The following NLRP14 variants were observed in gnomAD, a reference collection of about 807,000 sequenced individuals.
NLRP14 encodes the protein NACHT, LRR and PYD domains-containing protein 14.
Under a neutral mutation model 94.7 loss-of-function variants are expected in NLRP14, and 105 were observed. The ratio of observed to expected loss-of-function variants is 1.11; its 90% CI spans 0.95 to 1.30. NLRP14 has a LOEUF of 1.30. NLRP14 is among the 50% of genes most tolerant of loss of function. NLRP14 has a pLI of 0.00. For missense variants in NLRP14, 1,362 were observed against 1,254.1 expected, an observed-to-expected ratio of 1.09 and a Z score of -1.30; for synonymous variants, 508 against 459.9, an observed-to-expected ratio of 1.10 and a Z score of -1.34.
chr11:7,029,469 G>A (rs559597630), intron 1 of NLRP14, among the ~76,000 whole-genome samples: 11 of 152,168 alleles, frequency 7.2e-5, no homozygotes, highest in Non-Finnish European at 8.8e-5. Flanking sequence ...ATATATAAAC[G>A]CCTCTATCCT....
At chr11:7,065,626 T>C (rs1025835570) in intron 10 of NLRP14, among the ~76,000 whole-genome samples, 1 of 152,126 alleles carries the variant, frequency 6.6e-6, no homozygotes. Flanking sequence ...TTGTTCACAA[T>C]GTTTGAAGCA....
At chr11:7,059,715 T>C (rs990386083) in intron 8 of NLRP14, among the ~76,000 whole-genome samples, 179 bp from the exon 9 acceptor site, 1 of 152,022 alleles carries the variant, frequency 6.6e-6, no homozygotes, top group Non-Finnish European at 1.5e-5. Context: ...GTCTAGTTTG[T>C]AGCCCAATTT....
chr11:7,084,799 A>G, the NLRP14 span, among the ~76,000 whole-genome samples: 2 of 152,222 alleles, frequency 1.3e-5, no homozygotes, highest in African/African-American at 2.4e-5. Flanking sequence ...GGTTGTGGGA[A>G]TCCCCAATTT....
Position 7,043,928 on chromosome 11 carries a change from T to C in NLRP14, c.1902T>C (p.Ser634=). The C allele has an allele frequency of 6.2e-7, 1 of 1,614,184 alleles. No individual in the cohort carries two copies. The highest frequency in any genetic ancestry group is 1.7e-5 in the Admixed American group (1 of 60,022). ...HCRCLRTIRL[S]VTVVFEKKIL... ...GGTGTTTGCGGACCATCAGGCTGTCTGTAACTGTGGTATTTGAGAAGAAGA... is the reference window on the plus strand; with the variant it reads ...GGTGTTTGCGGACCATCAGGCTGTCCGTAACTGTGGTATTTGAGAAGAAGA... Residue 634 remains serine (S), a synonymous_variant, in exon 4 of 12, where the codon TCT becomes TCC. Coordinates refer to ENST00000299481, the MANE Select transcript of NLRP14 (RefSeq NM_176822.4).
At chr11:7,032,153 A>G (rs145576134) in intron 1 of NLRP14, among the ~76,000 whole-genome samples, 37 of 152,296 alleles carry the variant, frequency 2.4e-4, no homozygotes, top group Non-Finnish European at 4.3e-4. Flanking sequence ...ATGAGAGATA[A>G]TTGTCAAAAA....
At chr11:7,021,436 T>G (rs539776681) in intron 1 of NLRP14, among the ~76,000 whole-genome samples, 1 of 152,304 alleles carries the variant, frequency 6.6e-6, no homozygotes, top group African/African-American at 2.4e-5. Flanking sequence ...GACCACATTT[T>G]GAAAATTACT....
chr11:7,021,713 T>A (rs140396420), intron 1 of NLRP14, among the ~76,000 whole-genome samples: 1 of 152,066 alleles, frequency 6.6e-6, no homozygotes, highest in African/African-American at 2.4e-5. Flanking sequence ...TATGTATACA[T>A]GTGCCATGTT....
Position 7,042,554 on chromosome 11 carries a change from A to T in NLRP14, c.528A>T (p.Pro176=). 4 of 1,614,248 alleles carry T rather than the reference A, an allele frequency of 2.5e-6. 1 individual carries two copies. Among genetic ancestry groups the T allele is most frequent in the East Asian group, 2.2e-5 (1 of 44,892 alleles). Residue 176 remains proline, a synonymous_variant, in exon 4 of 12, where the codon CCA becomes CCT. Coordinates refer to ENST00000299481, the MANE Select transcript of NLRP14 (RefSeq NM_176822.4). ...TGGATGTCAAAACCGGTGCACAGCC[A>T]CAGATCGTGGTGCTTCAGGGAGCTG... The part of the protein sequence containing the change: ...FDVDVKTGAQ[P]QIVVLQGAAG...
chr11:7,074,686 T>TA (rs1852851853), downstream of NLRP14, among the ~76,000 whole-genome samples: 2 of 152,220 alleles, frequency 1.3e-5, no homozygotes, highest in African/African-American at 4.8e-5. Context: ...AATGAGTGAT[T>TA]GAGGCATAAG....
chr11:7,080,778 A>G, the NLRP14 span, among the ~76,000 whole-genome samples: 7 of 152,404 alleles, frequency 4.6e-5, no homozygotes, highest in East Asian at 1.3e-3. Context: ...GAAAGAGGAA[A>G]GAAACACGAA....
chr11:7,059,808 A>T, intron 8 of NLRP14, 86 bp from the exon 9 acceptor site: 4 of 1,179,728 alleles, frequency 3.4e-6, no homozygotes, highest in Non-Finnish European at 5.0e-6. Flanking sequence ...TAGATAAGGG[A>T]TCAAATCATG....
At chr11:7,048,691 C>T (rs1213055406) in intron 5 of NLRP14, among the ~76,000 whole-genome samples, 1 of 152,136 alleles carries the variant, frequency 6.6e-6, no homozygotes, top group Non-Finnish European at 1.5e-5. Flanking sequence ...TTCCACTCAT[C>T]CCTAAACATT....
chr11:7,038,499 C>G (rs547911632), intron 1 of NLRP14, 67 bp from the exon 2 acceptor site: 2 of 1,314,276 alleles, frequency 1.5e-6, no homozygotes, highest in East Asian at 2.3e-5. Context: ...ATTTCATTTT[C>G]AAATCTGTCT....
chr11:7,050,893 G>A (rs1852433189), intron 6 of NLRP14, among the ~76,000 whole-genome samples: 1 of 152,196 alleles, frequency 6.6e-6, no homozygotes, highest in African/African-American at 2.4e-5. Context: ...ACTCAGGTAA[G>A]AAGTATGTCA....
At chr11:7,036,030 T>G (rs975222553) in intron 1 of NLRP14, among the ~76,000 whole-genome samples, 1 of 152,232 alleles carries the variant, frequency 6.6e-6, no homozygotes, top group Non-Finnish European at 1.5e-5. Flanking sequence ...AATCAAACTT[T>G]CAGGTCTGTT....
the NLRP14 span, among the ~76,000 whole-genome samples, chr11:7,077,280 C>A: frequency 7.9e-5 from 12 of 152,340 alleles, no homozygotes; most frequent in African/African-American, 2.9e-4. Context: ...CAATTCTGGT[C>A]TCCATCACCA....
At chr11:7,080,109 A>G in the NLRP14 span, among the ~76,000 whole-genome samples, 6 of 152,142 alleles carry the variant, frequency 3.9e-5, no homozygotes, top group African/African-American at 7.2e-5. Context: ...AGCAAGCTAA[A>G]CCTTTGAAGA....
chr11:7,040,303 G>A (rs961579718), intron 3 of NLRP14, among the ~76,000 whole-genome samples: 2 of 152,196 alleles, frequency 1.3e-5, no homozygotes, highest in Non-Finnish European at 2.9e-5. Flanking sequence ...GGTAGGCCAC[G>A]GGAGCTTTAC....
At position 7,044,042 on chromosome 11, in the gene NLRP14, T is replaced by C. The variant is rs1422460110; in HGVS notation, c.1958+58T>C. The C allele has an allele frequency of 1.8e-5, 28 of 1,547,854 alleles. 1 individual carries two copies. The Admixed American group carries it at 3.2e-4, about 18-fold the overall frequency. ...CCTGTAAGGGAGAGACGTAGATATT[T>C]GTCAGAGGGAGGAGGCGTTTAGCTG... On this transcript the variant is annotated intron_variant, in intron 4 of 11. Coordinates refer to ENST00000299481, the MANE Select transcript of NLRP14 (RefSeq NM_176822.4).
Sources: gnomAD v4.1 joint callset for allele counts (sites outside exome capture counted in the v4.1 genomes callset) on GRCh38, gnomAD v4.1.1 for gene constraint, MANE v1.5 for transcripts, NCBI Gene and HGNC (gene_info 2026-07-23, HGNC 2026-07-21) for gene names.